The following SANBR variants were observed in gnomAD, a reference collection of about 807,000 sequenced individuals.
The protein encoded by SANBR is SANT and BTB domain regulator of class switch recombination.
Under a neutral mutation model 101.8 loss-of-function variants are expected in SANBR, and 77 were observed. The ratio of observed to expected loss-of-function variants is 0.76; its 90% CI spans 0.63 to 0.91. The LOEUF is 0.91. Ranked by LOEUF, SANBR falls within the 40% of genes least tolerant of loss-of-function variation. SANBR has a pLI of 0.00. For synonymous variants in SANBR, 279 were observed against 274.7 expected (o/e 1.02, Z -0.15); for missense variants, 875 against 853.0 (o/e 1.03, Z -0.32).
At position 61,070,759 on chromosome 2, in the gene SANBR, T is replaced by TTA. The variant is rs1234640951; in HGVS notation, c.150+269_150+270dup. 2.7e-5 allele frequency among the ~76,000 whole-genome samples: 4 copies of TTA among 147,636 alleles called. No individual in the cohort carries two copies. In the East Asian group the frequency reaches 5.8e-4, roughly 21 times the overall value. ...TTTATATATAAATATATATTTTATATTATATATATATTTGTTGTTGTTTTT... is the reference window on the plus strand; with the variant it reads ...TTTATATATAAATATATATTTTATATTATATATATATATTTGTTGTTGTTTTT... On this transcript the variant is annotated intron_variant, in intron 3 of 21. Coordinates refer to ENST00000402291, the MANE Select transcript of SANBR (RefSeq NM_001129993.3).
At chr2:61,106,425 T>C (rs1683570650) in intron 13 of SANBR, 138 bp from the exon 14 acceptor site, 2 of 522,360 alleles carry the variant, frequency 3.8e-6, no homozygotes, top group African/African-American at 2.1e-5. Flanking sequence ...GGAAATGTCA[T>C]TGTTGACGTG....
downstream of SANBR, among the ~76,000 whole-genome samples, chr2:61,128,401 T>C (rs1367544370): frequency 1.3e-5 from 2 of 151,978 alleles, no homozygotes; most frequent in Non-Finnish European, 2.9e-5. Flanking sequence ...ATGCCTATAA[T>C]CCAGGCACTT....
intron 8 of SANBR, among the ~76,000 whole-genome samples, chr2:61,084,915 GGAGA>G (rs766616415): frequency 6.6e-6 from 1 of 152,064 alleles, no homozygotes; most frequent in African/African-American, 2.4e-5. Context: ...AATGATGTGG[GGAGA>G]GAGAGAGGAT....
rs1438477156 is a variant in SANBR at position 61,077,055 on chromosome 2, G to A, written c.567G>A (p.Glu189=). Residue 189 remains glutamate, a synonymous_variant, in exon 6 of 22, where the codon GAG becomes GAA. Coordinates refer to ENST00000402291, the MANE Select transcript of SANBR (RefSeq NM_001129993.3). ...YLSMDAQRWE[E]VDISVHCDVH... ...CTATGGATGCCCAGCGCTGGGAAGAGGTGGACATTTCAGTTCATTGCGACG... is the reference window on the plus strand; with the variant it reads ...CTATGGATGCCCAGCGCTGGGAAGAAGTGGACATTTCAGTTCATTGCGACG... 7 of 1,613,978 alleles carry A rather than the reference G, an allele frequency of 4.3e-6. No homozygotes were observed. The South Asian group carries it at 4.4e-5, about 10-fold the overall frequency.
In SANBR at chr2:61,123,329, T is replaced by A; in HGVS notation, c.*1167T>A. 1.0e-6 allele frequency: 1 copy of A among 979,294 alleles called. No homozygotes were observed. The allele number at this position is 979,294 out of a possible 1,614,324, so 60.7% of individuals were successfully genotyped here. On this transcript the variant is annotated 3_prime_UTR_variant, in exon 22 of 22. Coordinates refer to ENST00000402291, the MANE Select transcript of SANBR (RefSeq NM_001129993.3). Reference sequence around the variant, plus strand: ...TTAATAATGTGTGACAAAAGAGCAATTTCCATTGAAATATTGAAGTGTTAC... The same window carrying A: ...TTAATAATGTGTGACAAAAGAGCAAATTCCATTGAAATATTGAAGTGTTAC...
intron 17 of SANBR, 40 bp from the exon 18 acceptor site, chr2:61,117,316 CA>C: frequency 6.3e-7 from 1 of 1,582,808 alleles, no homozygotes; most frequent in Non-Finnish European, 8.7e-7. Context: ...AATCAGTAAA[CA>C]TGTTCTAATT....
Position 61,071,658 on chromosome 2 carries a change from A to G in SANBR, c.203A>G (p.Asn68Ser). The change falls in exon 4 of 22, where the codon AAC becomes AGC. Residue 68 changes from asparagine (N) to serine (S), a missense_variant. Coordinates refer to ENST00000402291, the MANE Select transcript of SANBR (RefSeq NM_001129993.3). Reference protein sequence around the residue: ...LKSSGSSPVDNQYNSLMAAGE... With the variant: ...LKSSGSSPVDSQYNSLMAAGE... ...AGCAGTGGAAGCTCGCCTGTTGACA[A>G]CCAGTATAATTCCCTAATGGCTGCT... 1 of 1,590,948 alleles carries G rather than the reference A, an allele frequency of 6.3e-7. No individual in the cohort carries two copies. Among genetic ancestry groups the G allele is most frequent in the Non-Finnish European group, 8.5e-7 (1 of 1,172,618 alleles).
At chr2:61,084,087 G>C (rs770099370) in intron 8 of SANBR, among the ~76,000 whole-genome samples, 66 of 152,024 alleles carry the variant, frequency 4.3e-4, no homozygotes, top group Non-Finnish European at 8.7e-4. Context: ...CCAAGTAGCT[G>C]GAACCACAGG....
At chr2:61,092,378 C>G (rs1682804789) in intron 10 of SANBR, 86 bp from the exon 11 acceptor site, 13 of 1,057,414 alleles carry the variant, frequency 1.2e-5, no homozygotes, top group Admixed American at 3.1e-5. Context: ...GAGTGAAACT[C>G]CATCTCAAAG....
downstream of SANBR, among the ~76,000 whole-genome samples, chr2:61,124,483 T>G (rs944261777): frequency 1.3e-5 from 2 of 152,140 alleles, no homozygotes; most frequent in African/African-American, 2.4e-5. Flanking sequence ...GAGGATTGCT[T>G]GAGCCCAGGA....
intron 16 of SANBR, 77 bp downstream of exon 16, chr2:61,109,373 G>A: frequency 2.6e-6 from 2 of 781,520 alleles, no homozygotes; most frequent in Middle Eastern, 4.9e-4. Context: ...TGCAAGGGAT[G>A]GGGAATTGGT....
Position 61,097,780 on chromosome 2 carries a change from T to G in SANBR, c.1293T>G (p.Asn431Lys). The change falls in exon 12 of 22, where the codon AAT (asparagine) becomes AAG (lysine). Residue 431 changes from asparagine (N) to lysine (K), a missense_variant. Transcript: ENST00000402291. ...ATCCTACTGCAGCAAGTTCATTGAA[T>G]ACTGTTGGCACTGGAATTTATCCCT... ...VVYPTAASSL[N>K]TVGTGIYPCC... is the part of the protein sequence containing the mutation. 1 of 1,613,416 alleles carries G rather than the reference T, an allele frequency of 6.2e-7. No homozygotes were observed. The highest frequency in any genetic ancestry group is 1.1e-5 in the South Asian group (1 of 91,022).
chr2:61,080,618 G>T (rs1682066569), intron 6 of SANBR, among the ~76,000 whole-genome samples: 1 of 152,134 alleles, frequency 6.6e-6, no homozygotes, highest in Non-Finnish European at 1.5e-5. Context: ...CTACTCAGGA[G>T]GCTAATGCAG....
chr2:61,090,718 TTG>T (rs58195165), intron 10 of SANBR: 303 of 143,012 alleles, frequency 2.1e-3, no homozygotes, highest in Admixed American at 3.3e-3. Flanking sequence ...GGCACAGGGT[TTG>T]TGTGTGTGTG....
intron 6 of SANBR, among the ~76,000 whole-genome samples, chr2:61,079,973 G>A (rs1452616322): frequency 6.6e-6 from 1 of 151,560 alleles, no homozygotes; most frequent in Non-Finnish European, 1.5e-5. Flanking sequence ...CGAGGCGGAC[G>A]GATCACCTGA....
intron 20 of SANBR, among the ~76,000 whole-genome samples, chr2:61,130,797 A>AT (rs148745445): frequency 0.062 from 9,388 of 151,632 alleles, 1,015 homozygotes; most frequent in African/African-American, 0.22. Context: ...AAATACAAAA[A>AT]TTAGGAGTGG....
At chr2:61,118,508 T>A (rs1052957599) in intron 20 of SANBR, among the ~76,000 whole-genome samples, 2 of 151,184 alleles carry the variant, frequency 1.3e-5, no homozygotes, top group African/African-American at 4.9e-5. Context: ...CCCAAAGTGC[T>A]GGGATTACAG....
downstream of SANBR, among the ~76,000 whole-genome samples, chr2:61,128,065 GA>G (rs1190528219): frequency 2.0e-5 from 3 of 152,104 alleles, no homozygotes; most frequent in Non-Finnish European, 4.4e-5. Context: ...GAGGTCAGGA[GA>G]TTGAGACCAT....
chr2:61,099,789 G>A (rs999810038), intron 12 of SANBR, among the ~76,000 whole-genome samples: 3 of 152,180 alleles, frequency 2.0e-5, no homozygotes, highest in African/African-American at 7.2e-5. Flanking sequence ...ATAATGGGAG[G>A]AAAATTGAGA....
Sources: allele counts gnomAD v4.1 joint callset (sites outside exome capture counted in the v4.1 genomes callset), GRCh38; gene constraint gnomAD v4.1.1; transcripts MANE v1.5; gene names NCBI Gene and HGNC (gene_info 2026-07-23, HGNC 2026-07-21).